The following CYLC2 variants were observed in gnomAD, a reference collection of about 807,000 sequenced individuals.
The protein encoded by CYLC2 is cylicin 2.
CYLC2 carries 30 observed loss-of-function variants against 26.1 expected under a neutral mutation model. The ratio of observed to expected loss-of-function variants is 1.15; its 90% CI spans 0.86 to 1.56. CYLC2 has a LOEUF of 1.56. CYLC2 is among the 40% of genes most tolerant of loss of function. The pLI, the probability that CYLC2 is intolerant of heterozygous loss-of-function variation, is 0.00. For missense variants in CYLC2, 498 were observed against 394.4 expected, an observed-to-expected ratio of 1.26 and a Z score of -2.23; for synonymous variants, 158 against 132.8, an observed-to-expected ratio of 1.19 and a Z score of -1.31.
intron 1 of CYLC2, among the ~76,000 whole-genome samples, chr9:102,996,998 G>T (rs1348888652): frequency 6.6e-6 from 1 of 151,686 alleles, no homozygotes; most frequent in Non-Finnish European, 1.5e-5. Flanking sequence ...CTAAATATAT[G>T]AACATTTAAA....
At chr9:103,010,077 T>C (rs1160414002) in intron 5 of CYLC2, among the ~76,000 whole-genome samples, 1 of 151,896 alleles carries the variant, frequency 6.6e-6, no homozygotes, top group Non-Finnish European at 1.5e-5. Context: ...CATCAAAATA[T>C]GCAATAATTT....
intron 1 of CYLC2, among the ~76,000 whole-genome samples, chr9:102,996,450 T>G (rs1829238337): frequency 6.6e-6 from 1 of 151,994 alleles, no homozygotes. Flanking sequence ...TATGGCTATT[T>G]TTTATGGTGT....
rs1276485639 is a variant in CYLC2 at position 103,006,325 on chromosome 9, G to A, written c.*647G>A. On this transcript the variant is annotated 3_prime_UTR_variant, in exon 5 of 8. Coordinates refer to ENST00000374798, the MANE Select transcript of CYLC2 (RefSeq NM_001340.5). ...TCTTTCTGAAGTTTAAACAACCACA[G>A]TCATGTTTATGGTTGTTGGATGTGC... 1 of 152,052 alleles carries A rather than the reference G, an allele frequency of 6.6e-6. No individual in the cohort carries two copies. The highest frequency in any genetic ancestry group is 2.4e-5 in the African/African-American group (1 of 41,430). The allele number at this position is 152,052 out of a possible 1,614,324, so 9.4% of individuals were successfully genotyped here.
chr9:102,997,382 G>A (rs146786926), intron 1 of CYLC2, among the ~76,000 whole-genome samples: 45 of 152,010 alleles, frequency 3.0e-4, no homozygotes, highest in South Asian at 6.2e-4. Flanking sequence ...TGAGGAGTTC[G>A]AAATAAATCC....
At chr9:102,999,449 C>T (rs1829267322) in intron 1 of CYLC2, among the ~76,000 whole-genome samples, 1 of 151,744 alleles carries the variant, frequency 6.6e-6, no homozygotes, top group South Asian at 2.1e-4. Flanking sequence ...TTACTTCTTC[C>T]TTTTCAATCT....
intron 7 of CYLC2, among the ~76,000 whole-genome samples, chr9:103,017,403 T>A (rs1829518568): frequency 6.6e-6 from 1 of 152,036 alleles, no homozygotes; most frequent in Non-Finnish European, 1.5e-5. Context: ...ACTTATTTAT[T>A]TCATAAAGGG....
rs769996075 is a variant in CYLC2 at position 103,005,564 on chromosome 9, A to C, written c.933A>C (p.Glu311Asp). ...TTGCCAAGAAAGATACTGAGAAAGA[A>C]TCTGCTGATTCAAAGAAGGATGCAA... is the stretch of plus-strand genomic sequence containing the variant. ...KKVAKKDTEK[E>D]SADSKKDAKK... Residue 311 changes from glutamate (E) to aspartate (D), a missense_variant, in exon 5 of 8, where the codon GAA becomes GAC. Glu to Asp is a conservative substitution (Grantham distance 45, BLOSUM62 2). Transcript: ENST00000374798. 1.9e-6 allele frequency: 3 copies of C among 1,609,178 alleles called. No individual in the cohort carries two copies. The South Asian group carries it at 3.3e-5, about 18-fold the overall frequency.
chr9:103,013,483 TTAACA>T (rs1829441468), intron 6 of CYLC2, among the ~76,000 whole-genome samples: 2 of 109,018 alleles, frequency 1.8e-5, no homozygotes, highest in African/African-American at 7.6e-5. Context: ...AAATATATAT[TTAACA>T]TATTACATAT....
At position 103,005,228 on chromosome 9, in the gene CYLC2, C is replaced by T; in HGVS notation, c.597C>T (p.Gly199=). ...AAGATAAAAAGGATTCAAACAAAGG[C>T]AAAGACTCGGCAACAGAATCTGAAG... is the stretch of plus-strand genomic sequence containing the variant. ...NKKDKKDSNK[G]KDSATESEGE... Residue 199 remains glycine, a synonymous_variant, in exon 5 of 8, where the codon GGC becomes GGT. Coordinates refer to ENST00000374798, the MANE Select transcript of CYLC2 (RefSeq NM_001340.5). 1 of 1,611,494 alleles carries T rather than the reference C, an allele frequency of 6.2e-7. No homozygotes were observed. The highest frequency in any genetic ancestry group is 8.5e-7 in the Non-Finnish European group (1 of 1,179,414).
rs2118241684 is a variant in CYLC2 at position 103,005,880 on chromosome 9, G to C, written c.*202G>C. 1 of 555,898 alleles carries C rather than the reference G, an allele frequency of 1.8e-6. No homozygotes were observed. The highest frequency in any genetic ancestry group is 1.9e-5 in the African/African-American group (1 of 52,380). The allele number at this position is 555,898 out of a possible 1,614,324, so 34.4% of individuals were successfully genotyped here. A position where few individuals can be genotyped will look rare whatever the true frequency, so the allele number is the denominator to read the frequency against. On this transcript the variant is annotated 3_prime_UTR_variant, in exon 5 of 8. Transcript: ENST00000374798. The stretch of plus-strand genomic sequence containing the variant: ...TAAGAAAGATGTTAAGAAAAATTAA[G>C]GGGGGATCCATTGAAAGACTTGAAG...
At chr9:102,999,473 G>A (rs1186680503) in intron 1 of CYLC2, among the ~76,000 whole-genome samples, 1 of 151,594 alleles carries the variant, frequency 6.6e-6, no homozygotes, top group Non-Finnish European at 1.5e-5. Context: ...TGCTTTTATT[G>A]CTTTATGAAA....
intron 2 of CYLC2, 59 bp downstream of exon 2, chr9:103,001,677 T>C: frequency 9.4e-7 from 1 of 1,060,958 alleles, no homozygotes; most frequent in Non-Finnish European, 1.4e-6. Context: ...TGGTAAGTAT[T>C]ATCCTCTATT....
At chr9:103,015,571 A>G (rs999614313) in intron 6 of CYLC2, among the ~76,000 whole-genome samples, 12 of 144,638 alleles carry the variant, frequency 8.3e-5, no homozygotes, top group Non-Finnish European at 1.7e-4. Flanking sequence ...ATATATACAT[A>G]AAATAAATCT....
In CYLC2 at chr9:103,006,017, GACACACACACACACAC is replaced by G. The variant is rs201304746; in HGVS notation, c.*379_*394del. The G allele has an allele frequency of 5.9e-3, 703 of 120,060 alleles. 8 individuals carry two copies. The highest frequency in any genetic ancestry group is 0.012 in the East Asian group (54 of 4,394). The allele number at this position is 120,060 out of a possible 1,614,324, so 7.4% of individuals were successfully genotyped here. ...TGAAGATAATGACACTAAATCTATG[GACACACACACACACAC>G]ACACACACACACACACACACACACA... On this transcript the variant is annotated 3_prime_UTR_variant, in exon 5 of 8. Coordinates refer to ENST00000374798, the MANE Select transcript of CYLC2 (RefSeq NM_001340.5).
intron 5 of CYLC2, among the ~76,000 whole-genome samples, chr9:103,007,893 C>G (rs1453554920): frequency 6.6e-6 from 1 of 152,020 alleles, no homozygotes; most frequent in African/African-American, 2.4e-5. Flanking sequence ...GGGTCCTGTC[C>G]CTCCTGCATC....
At chr9:102,996,897 C>A (rs1197949060) in intron 1 of CYLC2, among the ~76,000 whole-genome samples, 1 of 151,926 alleles carries the variant, frequency 6.6e-6, no homozygotes, top group Admixed American at 6.6e-5. Flanking sequence ...TTGTGTTAGT[C>A]AACTCAGCCC....
intron 1 of CYLC2, among the ~76,000 whole-genome samples, chr9:102,999,962 T>C (rs918411333): frequency 2.6e-5 from 4 of 151,848 alleles, no homozygotes; most frequent in Admixed American, 2.0e-4. Flanking sequence ...TTATTTATAT[T>C]AGCCTTGAAA....
At chr9:103,012,523 T>A (rs926404000) in intron 6 of CYLC2, among the ~76,000 whole-genome samples, 3 of 152,076 alleles carry the variant, frequency 2.0e-5, no homozygotes, top group African/African-American at 7.2e-5. Flanking sequence ...ATTATTCTTT[T>A]TTAAATAATT....
Position 103,005,857 on chromosome 9 carries a change from A to T in CYLC2, c.*179A>T. On this transcript the variant is annotated 3_prime_UTR_variant, in exon 5 of 8. Transcript: ENST00000374798. ...CAGCAGAGATTTATAAAAATATATA[A>T]GAAAGATGTTAAGAAAAATTAAGGG... is the stretch of plus-strand genomic sequence containing the variant. 1.5e-6 allele frequency: 1 copy of T among 664,502 alleles called. No homozygotes were observed. Among genetic ancestry groups the T allele is most frequent in the East Asian group, 2.7e-5 (1 of 36,978 alleles). 41.2% of individuals were successfully genotyped at this position (664,502 alleles called of 1,614,324 possible).
Sources: allele counts gnomAD v4.1 joint callset (sites outside exome capture counted in the v4.1 genomes callset), GRCh38; gene constraint gnomAD v4.1.1; transcripts MANE v1.5; gene names NCBI Gene and HGNC (gene_info 2026-07-23, HGNC 2026-07-21).